ITSN2: variants seen among roughly 807,000 people sequenced by gnomAD.
ITSN2 encodes the protein intersectin-2.
ITSN2 carries 156 observed loss-of-function variants against 243.7 expected under a neutral mutation model. The ratio of observed to expected loss-of-function variants is 0.64; its 90% CI spans 0.56 to 0.73. ITSN2 has a LOEUF of 0.73. Among genes scored for constraint, ITSN2 ranks in the 30% least tolerant of loss-of-function variants. The pLI is 0.00. For missense variants in ITSN2, 1,801 were observed against 1,996.1 expected (o/e 0.90, Z 1.86); for synonymous variants, 703 against 699.9 (o/e 1.00, Z -0.07).
intron 30 of ITSN2, chr2:24,220,445 T>C: frequency 1.0e-6 from 1 of 987,760 alleles, no homozygotes; most frequent in South Asian, 4.7e-5. Context: ...ATATGATATT[T>C]GGGAACTATT....
At chr2:24,355,262 T>C (rs975099724) in intron 1 of ITSN2, among the ~76,000 whole-genome samples, 1 of 152,246 alleles carries the variant, frequency 6.6e-6, no homozygotes, top group African/African-American at 2.4e-5. Flanking sequence ...CCTTCAACTT[T>C]AGATCTATCC....
chr2:24,255,936 C>T (rs750766308), intron 23 of ITSN2, among the ~76,000 whole-genome samples: 1 of 152,154 alleles, frequency 6.6e-6, no homozygotes, highest in Non-Finnish European at 1.5e-5. Context: ...GCCAGTAATC[C>T]CAGCTACTCA....
chr2:24,259,125 G>A (rs553403342), intron 22 of ITSN2, among the ~76,000 whole-genome samples: 1 of 152,280 alleles, frequency 6.6e-6, no homozygotes, highest in Admixed American at 6.5e-5. Flanking sequence ...TAGCATGGCT[G>A]AAACATAATC....
At chr2:24,233,551 AAG>A (rs1315978920) in intron 29 of ITSN2, among the ~76,000 whole-genome samples, 1 of 152,212 alleles carries the variant, frequency 6.6e-6, no homozygotes, top group Non-Finnish European at 1.5e-5. Context: ...GGGGGTGGCT[AAG>A]AGAATGAGTT....
At chr2:24,266,869 C>T (rs894212868) in intron 20 of ITSN2, among the ~76,000 whole-genome samples, 1 of 151,232 alleles carries the variant, frequency 6.6e-6, no homozygotes, top group African/African-American at 2.4e-5. Context: ...CTCGGGTGGT[C>T]GAGGCTGTAG....
In ITSN2 at chr2:24,310,659, T is replaced by C. The variant is rs373219511; in HGVS notation, c.386A>G (p.Gln129Arg). 23 of 1,614,134 alleles carry C rather than the reference T, an allele frequency of 1.4e-5. No homozygotes were observed. Among genetic ancestry groups the C allele is most frequent in the Non-Finnish European group, 1.8e-5 (21 of 1,180,010 alleles). ...MGSMPNLSIP[Q>R]PLPPAAPITS... ...TATAGGTGCAGCTGGAGGCAATGGC[T>C]GAGGAATGGACAGATTGGGCATGCT... The change falls in exon 6 of 40, where the codon CAG becomes CGG. Residue 129 changes from glutamine to arginine, a missense_variant. Around this residue, in one of 5 missense-constraint regions of ITSN2, gnomAD observed 787 missense variants for 803.9 expected, o/e 0.98. Coordinates refer to ENST00000355123, the MANE Select transcript of ITSN2 (RefSeq NM_006277.3).
chr2:24,321,734 C>T (rs566834976), intron 2 of ITSN2: 1 of 152,212 alleles, frequency 6.6e-6, no homozygotes, highest in East Asian at 1.9e-4. Context: ...TATTATATGA[C>T]TTCAGAAAAA....
intron 29 of ITSN2, among the ~76,000 whole-genome samples, chr2:24,243,373 A>G (rs534403072): frequency 1.8e-4 from 27 of 152,362 alleles, no homozygotes; most frequent in African/African-American, 5.3e-4. Flanking sequence ...ATGTTAACAT[A>G]GAATCCAAAA....
chr2:24,262,263 T>C (rs1452631769), intron 20 of ITSN2, among the ~76,000 whole-genome samples: 1 of 152,218 alleles, frequency 6.6e-6, no homozygotes, highest in Non-Finnish European at 1.5e-5. Context: ...TATAATATTA[T>C]GATTATGTTT....
At position 24,248,676 on chromosome 2, in the gene ITSN2, A is replaced by G. The variant is rs751472744; in HGVS notation, c.3241T>C (p.Leu1081=). The change falls in exon 27 of 40, where the codon TTA becomes CTA. Residue 1081 remains leucine (L), a synonymous_variant. Transcript: ENST00000355123. ...QLSLAPGQLI[L]ILKKNTSGWW... is the part of the protein sequence containing the mutation. The stretch of plus-strand genomic sequence containing the variant: ...CCACTTGTATTTTTCTTTAGAATTA[A>G]TATTAACTGTCCTGGTGCAAGGCTA... The G allele has an allele frequency of 1.2e-5, 20 of 1,612,052 alleles. No homozygotes were observed. In the East Asian group the frequency reaches 4.0e-4, roughly 32 times the overall value.
At chr2:24,241,100 C>A (rs1341742359) in intron 29 of ITSN2, 1 of 152,090 alleles carries the variant, frequency 6.6e-6, no homozygotes, top group Non-Finnish European at 1.5e-5. Context: ...CACTCTAATT[C>A]ATTCTTGACT....
intron 1 of ITSN2, chr2:24,330,574 GA>G: frequency 5.9e-6 from 5 of 846,744 alleles, no homozygotes; most frequent in Non-Finnish European, 8.0e-6. Context: ...GGGAAAAAGG[GA>G]AAAGCTTATG....
rs1418137659 is a variant in ITSN2, at chr2:24,204,809, TAGAA to T, written c.4763-395_4763-392del. ...ATTTTAGTGGCACTGGACACACTGTTAGAAAGCATTCCTTTATTCAGTGTTCAGA... is the reference window on the plus strand; with the variant it reads ...ATTTTAGTGGCACTGGACACACTGTTAGCATTCCTTTATTCAGTGTTCAGA... On this transcript the variant is annotated intron_variant, in intron 38 of 39. Transcript: ENST00000355123. This position sits in a 1 kb window ranked among gnomAD's most constrained non-coding sequence, Gnocchi z 5.1. 12 of 458,552 alleles carry T rather than the reference TAGAA, an allele frequency of 2.6e-5. No homozygotes were observed. The highest frequency in any genetic ancestry group is 7.1e-5 in the Admixed American group (3 of 42,360). 28.4% of individuals were successfully genotyped at this position (458,552 alleles called of 1,614,324 possible). A position where few individuals can be genotyped will look rare whatever the true frequency, so the allele number is the denominator to read the frequency against.
At chr2:24,232,539 A>T (rs1166080400) in intron 29 of ITSN2, among the ~76,000 whole-genome samples, 1 of 152,244 alleles carries the variant, frequency 6.6e-6, no homozygotes, top group Non-Finnish European at 1.5e-5. Context: ...TGTGAGATGC[A>T]GGATATAGAC....
rs1056523267 is a variant in ITSN2 at position 24,249,003 on chromosome 2, G to A, written c.3121-121C>T. On this transcript the variant is annotated intron_variant, in intron 25 of 39. Coordinates refer to ENST00000355123, the MANE Select transcript of ITSN2 (RefSeq NM_006277.3). The surrounding 1 kb of genome is among the most constrained non-coding windows in gnomAD (Gnocchi z 4.4). The stretch of plus-strand genomic sequence containing the variant: ...GATTCTTTTCTCTTTAAATGAAGAT[G>A]AAAATGACAATGAACCTCATGCAGT... 38 of 1,019,260 alleles carry A rather than the reference G, an allele frequency of 3.7e-5. No homozygotes were observed. The highest frequency in any genetic ancestry group is 5.5e-5 in the Non-Finnish European group (37 of 676,020). 63.1% of individuals were successfully genotyped at this position (1,019,260 alleles called of 1,614,324 possible). A position where few individuals can be genotyped will look rare whatever the true frequency, so the allele number is the denominator to read the frequency against.
intron 3 of ITSN2, among the ~76,000 whole-genome samples, chr2:24,313,860 A>G (rs186130545): frequency 3.2e-4 from 48 of 152,348 alleles, no homozygotes; most frequent in Middle Eastern, 3.4e-3. Flanking sequence ...TTCAATATAA[A>G]AAGTACCAGG....
intron 18 of ITSN2, 97 bp from the exon 19 acceptor site, chr2:24,272,038 T>A: frequency 1.9e-6 from 2 of 1,037,824 alleles, no homozygotes; most frequent in Non-Finnish European, 2.7e-6. Flanking sequence ...GGTGAAGAAC[T>A]AGCAATGAAG....
chr2:24,209,754 G>A, intron 35 of ITSN2, 64 bp downstream of exon 35: 2 of 1,296,862 alleles, frequency 1.5e-6, no homozygotes, highest in South Asian at 1.2e-5. Flanking sequence ...TGCCAGGAAG[G>A]CCTTAAGATA....
chr2:24,231,675 A>T (rs1671610991), intron 29 of ITSN2, among the ~76,000 whole-genome samples: 1 of 152,192 alleles, frequency 6.6e-6, no homozygotes, highest in African/African-American at 2.4e-5. Context: ...CAAACAAGAG[A>T]TGCCTAAGAA....
Sources: allele counts gnomAD v4.1 joint callset (sites outside exome capture counted in the v4.1 genomes callset), GRCh38; gene constraint gnomAD v4.1.1; regional missense constraint gnomAD v4.1.1; non-coding constraint Gnocchi (gnomAD v3.1); transcripts MANE v1.5; gene names NCBI Gene and HGNC (gene_info 2026-07-23, HGNC 2026-07-21).